Variants in KHDRBS2 observed in about 807,000 individuals in gnomAD.
KHDRBS2 encodes KH RNA binding domain containing, signal transduction associated 2, also known as KH domain-containing, RNA-binding, signal transduction-associated protein 2.
Under a neutral mutation model 44.3 loss-of-function variants are expected in KHDRBS2, and 26 were observed. The ratio of observed to expected loss-of-function variants is 0.59; its 90% CI spans 0.43 to 0.81. The LOEUF (loss-of-function observed/expected upper bound fraction) is 0.81. Among genes scored for constraint, KHDRBS2 ranks in the 40% least tolerant of loss-of-function variants. KHDRBS2 has a pLI of 0.00. For missense variants in KHDRBS2, 476 were observed against 433.1 expected (o/e 1.10, Z -0.88); for synonymous variants, 194 against 151.1 (o/e 1.28, Z -2.08).
chr6:61,599,929 A>G, the KHDRBS2 span, among the ~76,000 whole-genome samples: 1 of 152,200 alleles, frequency 6.6e-6, no homozygotes, highest in Non-Finnish European at 1.5e-5. Context: ...TGACTCTACG[A>G]CAAATGACAC....
At chr6:61,872,520 T>G (rs1335300111) in intron 6 of KHDRBS2, among the ~76,000 whole-genome samples, 3 of 152,084 alleles carry the variant, frequency 2.0e-5, no homozygotes, top group Non-Finnish European at 4.4e-5. Flanking sequence ...TGTAAGGTAT[T>G]AAAGTAACAT....
At chr6:62,277,353 T>A (rs985205545) in intron 1 of KHDRBS2, among the ~76,000 whole-genome samples, 4 of 151,976 alleles carry the variant, frequency 2.6e-5, no homozygotes, top group Non-Finnish European at 4.4e-5. Flanking sequence ...TGTTTTGTTT[T>A]GTTTTTGAGA....
intron 4 of KHDRBS2, among the ~76,000 whole-genome samples, chr6:61,954,660 A>T (rs1206023912): frequency 7.4e-6 from 1 of 134,426 alleles, no homozygotes. Context: ...GTATACATAC[A>T]TATGTGTATA....
At chr6:61,699,175 A>G (rs1451345530) in intron 7 of KHDRBS2, among the ~76,000 whole-genome samples, 3 of 152,092 alleles carry the variant, frequency 2.0e-5, no homozygotes, top group African/African-American at 7.2e-5. Context: ...ATGAATATTT[A>G]TAGGACAATA....
intron 6 of KHDRBS2, among the ~76,000 whole-genome samples, chr6:61,799,686 T>C (rs1562206812): frequency 6.6e-6 from 1 of 152,024 alleles, no homozygotes; most frequent in African/African-American, 2.4e-5. Context: ...TATAATGTTA[T>C]ATTCATTCAG....
intron 2 of KHDRBS2, among the ~76,000 whole-genome samples, chr6:62,107,525 A>C (rs1172945944): frequency 1.3e-5 from 2 of 152,328 alleles, no homozygotes; most frequent in Middle Eastern, 6.8e-3. Context: ...TGCCCAAAGA[A>C]ATTTATAGAT....
At chr6:61,966,000 G>A (rs1402436345) in intron 4 of KHDRBS2, among the ~76,000 whole-genome samples, 1 of 152,066 alleles carries the variant, frequency 6.6e-6, no homozygotes, top group Middle Eastern at 3.4e-3. Context: ...AGACAGAAAA[G>A]CCTCCTATTA....
intron 3 of KHDRBS2, among the ~76,000 whole-genome samples, chr6:62,030,070 C>T (rs567747076): frequency 2.0e-5 from 3 of 151,740 alleles, no homozygotes; most frequent in East Asian, 1.9e-4. Context: ...AAAATGTAAG[C>T]GAAAGCAGAA....
chr6:62,025,894 C>T (rs1348890166), intron 3 of KHDRBS2, among the ~76,000 whole-genome samples: 1 of 152,002 alleles, frequency 6.6e-6, no homozygotes, highest in African/African-American at 2.4e-5. Context: ...CATCTAAAGG[C>T]TCGATTAAAT....
At chr6:61,548,121 AGAG>A in the KHDRBS2 span, among the ~76,000 whole-genome samples, 1 of 152,312 alleles carries the variant, frequency 6.6e-6, no homozygotes, top group East Asian at 1.9e-4. Context: ...ATACTTCAAA[AGAG>A]AATAGAAAAT....
chr6:61,821,274 C>T (rs1789874206), intron 6 of KHDRBS2, among the ~76,000 whole-genome samples: 1 of 151,938 alleles, frequency 6.6e-6, no homozygotes, highest in Non-Finnish European at 1.5e-5. Flanking sequence ...AACCTGGGTC[C>T]TACTAGCAAG....
At chr6:61,784,424 C>A (rs1379639545) in intron 6 of KHDRBS2, among the ~76,000 whole-genome samples, 1 of 90,424 alleles carries the variant, frequency 1.1e-5, no homozygotes, top group Non-Finnish European at 2.8e-5. Flanking sequence ...AAATTCTATA[C>A]AAATGTAATA....
the KHDRBS2 span, among the ~76,000 whole-genome samples, chr6:61,646,216 C>T: frequency 1.3e-5 from 2 of 152,240 alleles, no homozygotes; most frequent in South Asian, 4.1e-4. Context: ...GGCAATCTTT[C>T]TTTCTGGCAG....
chr6:61,770,665 T>A (rs1780731788), intron 6 of KHDRBS2, among the ~76,000 whole-genome samples: 3 of 152,224 alleles, frequency 2.0e-5, no homozygotes, highest in Middle Eastern at 6.8e-3. Flanking sequence ...GAACAAAGCC[T>A]CCAAGAAATA....
intron 1 of KHDRBS2, among the ~76,000 whole-genome samples, chr6:62,205,609 A>G (rs1240943595): frequency 6.6e-6 from 1 of 152,134 alleles, no homozygotes; most frequent in African/African-American, 2.4e-5. Context: ...GTCAGGACAC[A>G]GGAAAGACAG....
the KHDRBS2 span, among the ~76,000 whole-genome samples, chr6:61,632,182 T>C: frequency 6.6e-6 from 1 of 152,140 alleles, no homozygotes. Context: ...GTATGGCCAA[T>C]AGAAACTTGT....
In KHDRBS2 at chr6:61,718,819, CT is replaced by C. The variant is rs563245346; in HGVS notation, c.893+13862del. ...CTATCTTCAGGGGACTAAATTGTCC[CT>C]TGTGGTACTCGTCCACTGAAAATAG... On this transcript the variant is annotated intron_variant, in intron 7 of 8. Coordinates refer to ENST00000281156, the MANE Select transcript of KHDRBS2 (RefSeq NM_152688.4). Among the ~76,000 whole-genome samples the C allele has an allele frequency of 1.8e-4, 27 of 152,194 alleles. 1 individual carries two copies. In the South Asian group the frequency reaches 5.6e-3, roughly 32 times the overall value.
At position 62,047,726 on chromosome 6, in the gene KHDRBS2, G is replaced by A; in HGVS notation, c.336+152C>T. ...CCAATAATTGATTTTTAGGAAGAGA[G>A]AGGAGATAGCAGAAAGTGACACAGG... On this transcript the variant is annotated intron_variant, in intron 3 of 8. Coordinates refer to ENST00000281156, the MANE Select transcript of KHDRBS2 (RefSeq NM_152688.4). The A allele has an allele frequency of 2.4e-5, 15 of 636,580 alleles. No homozygotes were observed. The South Asian group carries it at 2.9e-4, about 12-fold the overall frequency. 39.4% of individuals were successfully genotyped at this position (636,580 alleles called of 1,614,324 possible). A position where few individuals can be genotyped will look rare whatever the true frequency, so the allele number is the denominator to read the frequency against.
chr6:61,652,493 A>C, the KHDRBS2 span, among the ~76,000 whole-genome samples: 2 of 151,992 alleles, frequency 1.3e-5, no homozygotes, highest in East Asian at 1.9e-4. Context: ...CTTATTCTAT[A>C]CATGTTTTAC....
Sources: gnomAD v4.1 joint callset for allele counts (sites outside exome capture counted in the v4.1 genomes callset) on GRCh38, gnomAD v4.1.1 for gene constraint, MANE v1.5 for transcripts, NCBI Gene and HGNC (gene_info 2026-07-23, HGNC 2026-07-21) for gene names.